The following WDR72 variants were observed in gnomAD, a reference collection of about 807,000 sequenced individuals.
The protein encoded by WDR72 is WD repeat-containing protein 72.
A neutral mutation model predicts 124.2 loss-of-function variants in WDR72; 120 were observed. The observed-to-expected ratio is 0.97, with a 90% CI of 0.83 to 1.12. WDR72 has a LOEUF of 1.12. Ranked by LOEUF, WDR72 falls within the 50% of genes most tolerant of loss-of-function variation. The pLI is 0.00. For synonymous variants in WDR72, 452 were observed against 441.7 expected (o/e 1.02, Z -0.29); for missense variants, 1,387 against 1,278.8 (o/e 1.08, Z -1.29).
chr15:53,718,547 C>T (rs990227), intron 3 of WDR72, among the ~76,000 whole-genome samples: 100,341 of 151,830 alleles, frequency 0.66, 34,059 homozygotes, highest in Middle Eastern at 0.75. Flanking sequence ...ATCAATTTTG[C>T]TTAATAAAAG....
intron 17 of WDR72, among the ~76,000 whole-genome samples, chr15:53,608,802 T>C (rs555596555): frequency 3.1e-5 from 3 of 97,046 alleles, no homozygotes; most frequent in East Asian, 2.4e-4. Flanking sequence ...ATAAAAACAA[T>C]TGAACTCATG....
intron 18 of WDR72, among the ~76,000 whole-genome samples, chr15:53,571,567 C>T (rs1046807698): frequency 2.6e-5 from 4 of 151,900 alleles, no homozygotes; most frequent in East Asian, 1.9e-4. Flanking sequence ...TTTTAAAGGC[C>T]GAACAGTATT....
In WDR72 at chr15:53,714,499, A is replaced by T; in HGVS notation, c.526T>A (p.Leu176Met). The T allele has an allele frequency of 6.2e-7, 1 of 1,613,424 alleles. No homozygotes were observed. The highest frequency in any genetic ancestry group is 8.5e-7 in the Non-Finnish European group (1 of 1,179,416). ...HSMRIQEDSL[L>M]VVSVAGELKV... The stretch of plus-strand genomic sequence containing the variant: ...AGCTCACCAGCTACTGATACCACCA[A>T]GAGAGAATCTTCTGTGAAAATAATA... The change falls in exon 6 of 20, where the codon TTG becomes ATG. Residue 176 changes from leucine to methionine, a missense_variant. Coordinates refer to ENST00000360509, the MANE Select transcript of WDR72 (RefSeq NM_182758.4).
chr15:53,515,755 G>T lies in WDR72; in HGVS notation c.*1944C>A. 6.6e-6 allele frequency: 1 copy of T among 151,980 alleles called. No homozygotes were observed. Among genetic ancestry groups the T allele is most frequent in the East Asian group, 1.9e-4 (1 of 5,180 alleles). The allele number at this position is 151,980 out of a possible 1,614,324, so 9.4% of individuals were successfully genotyped here. On this transcript the variant is annotated 3_prime_UTR_variant, in exon 20 of 20. Transcript: ENST00000360509. ...AAATATTTATCAGAGATTCAATATT[G>T]GTTTCATTAGAACTGATAAATGCTA...
At chr15:53,688,235 AG>A (rs1327809146) in intron 13 of WDR72, among the ~76,000 whole-genome samples, 1 of 150,130 alleles carries the variant, frequency 6.7e-6, no homozygotes, top group Admixed American at 6.6e-5. Context: ...GGAGAAGGAA[AG>A]AAAGGGTATT....
At position 53,615,721 on chromosome 15, in the gene WDR72, A is replaced by G. The variant is rs978018329; in HGVS notation, c.2485T>C (p.Ser829Pro). Reference protein sequence around the residue: ...LNILKLQGPISLGISLNEDNF... With the variant: ...LNILKLQGPIPLGISLNEDNF... ...TCTTCATTCAAAGAAATTCCCAAAG[A>G]AATAGGACCCTGAAGCTTTAAAATA... is the stretch of plus-strand genomic sequence containing the variant. The change falls in exon 15 of 20, where the codon TCT becomes CCT. Residue 829 changes from serine to proline, a missense_variant. By Grantham distance (74) the Ser-to-Pro change is moderately conservative (BLOSUM62 -1). Transcript: ENST00000360509. 3 of 1,612,958 alleles carry G rather than the reference A, an allele frequency of 1.9e-6. No homozygotes were observed. The African/African-American group carries it at 4.0e-5, about 22-fold the overall frequency.
intron 3 of WDR72, among the ~76,000 whole-genome samples, chr15:53,722,188 C>G (rs1353988492): frequency 6.6e-6 from 1 of 151,984 alleles, no homozygotes; most frequent in Non-Finnish European, 1.5e-5. Flanking sequence ...CATGCATCAC[C>G]ATGCCCAGGC....
chr15:53,628,502 A>G (rs1387287494), intron 14 of WDR72, among the ~76,000 whole-genome samples: 1 of 152,162 alleles, frequency 6.6e-6, no homozygotes, highest in Non-Finnish European at 1.5e-5. Flanking sequence ...AGATAGTGTG[A>G]TTTCTTGATG....
Position 53,701,831 on chromosome 15 carries a change from A to G in WDR72, c.1569+303T>C, listed in dbSNP as rs533316837. Among the ~76,000 whole-genome samples, 17 of 152,276 alleles carry G rather than the reference A, an allele frequency of 1.1e-4. No individual in the cohort carries two copies. In the South Asian group the frequency reaches 3.3e-3, roughly 30 times the overall value. The stretch of plus-strand genomic sequence containing the variant: ...ATTCCATTAAAAATGAAGATATAGA[A>G]TGAGAGGAAAAAAATAGATGTAAGT... On this transcript the variant is annotated intron_variant, in intron 12 of 19. Transcript: ENST00000360509.
chr15:53,581,383 T>C (rs1479331272), intron 18 of WDR72, among the ~76,000 whole-genome samples: 3 of 152,126 alleles, frequency 2.0e-5, no homozygotes, highest in African/African-American at 4.8e-5. Flanking sequence ...ATATTTACTA[T>C]GTAAATTATT....
chr15:53,593,689 A>C (rs1447213133), intron 18 of WDR72, among the ~76,000 whole-genome samples: 1 of 151,724 alleles, frequency 6.6e-6, no homozygotes, highest in Non-Finnish European at 1.5e-5. Context: ...CTGAGCCAGG[A>C]AGACTGAGGC....
intron 18 of WDR72, among the ~76,000 whole-genome samples, chr15:53,550,860 C>T (rs1258757522): frequency 6.6e-6 from 1 of 152,114 alleles, no homozygotes; most frequent in East Asian, 1.9e-4. Context: ...CTCTCCATCT[C>T]TTATAAAGCT....
At chr15:53,692,670 T>C (rs1488548640) in intron 13 of WDR72, among the ~76,000 whole-genome samples, 1 of 152,092 alleles carries the variant, frequency 6.6e-6, no homozygotes, top group African/African-American at 2.4e-5. Context: ...AAAGTTCATA[T>C]ACAACAGCAT....
At chr15:53,591,724 A>G (rs2012516121) in intron 18 of WDR72, among the ~76,000 whole-genome samples, 1 of 113,154 alleles carries the variant, frequency 8.8e-6, no homozygotes, top group South Asian at 2.7e-4. Context: ...ACACACACAC[A>G]CACACATATA....
intron 13 of WDR72, among the ~76,000 whole-genome samples, chr15:53,683,730 A>G (rs2016485528): frequency 6.6e-6 from 1 of 152,158 alleles, no homozygotes; most frequent in African/African-American, 2.4e-5. Flanking sequence ...AGAGAGAAAG[A>G]GGAAGAAGAG....
chr15:53,686,009 C>T (rs2016607642), intron 13 of WDR72, among the ~76,000 whole-genome samples: 2 of 149,154 alleles, frequency 1.3e-5, no homozygotes, highest in African/African-American at 5.0e-5. Flanking sequence ...CAAGCAAATG[C>T]TGAGAGATTT....
At chr15:53,571,956 C>T (rs1275473680) in intron 18 of WDR72, among the ~76,000 whole-genome samples, 4 of 152,012 alleles carry the variant, frequency 2.6e-5, no homozygotes, top group Non-Finnish European at 5.9e-5. Context: ...ACTTGCAATT[C>T]CCTGATGATC....
intron 14 of WDR72, among the ~76,000 whole-genome samples, chr15:53,657,040 A>G (rs912076893): frequency 5.4e-4 from 82 of 152,090 alleles, no homozygotes; most frequent in Admixed American, 8.5e-4. Context: ...CAAGGCGGGC[A>G]GATCACAAGG....
intron 13 of WDR72, among the ~76,000 whole-genome samples, chr15:53,672,678 A>G (rs1413706564): frequency 6.6e-6 from 1 of 152,182 alleles, no homozygotes; most frequent in Non-Finnish European, 1.5e-5. Flanking sequence ...CATCTGCCCA[A>G]ATGATGAAAA....
Sources: allele counts gnomAD v4.1 joint callset (sites outside exome capture counted in the v4.1 genomes callset), GRCh38; gene constraint gnomAD v4.1.1; transcripts MANE v1.5; gene names NCBI Gene and HGNC (gene_info 2026-07-23, HGNC 2026-07-21).